The following CDKL5 variants were observed in gnomAD, a reference collection of about 807,000 sequenced individuals.
CDKL5 encodes the protein cyclin dependent kinase like 5.
CDKL5 carries 8 observed loss-of-function variants against 61.7 expected under a neutral mutation model. The observed-to-expected ratio is 0.13, with a 90% CI of 0.08 to 0.23. The LOEUF (loss-of-function observed/expected upper bound fraction) is 0.23, where lower values mean the gene tolerates loss of function less well. Among genes scored for constraint, CDKL5 ranks in the 10% least tolerant of loss-of-function variants. The pLI, the probability that CDKL5 is intolerant of heterozygous loss-of-function variation, is 1.00. For missense variants in CDKL5, 440 were observed against 734.5 expected (o/e 0.60, Z 4.63); for synonymous variants, 275 against 272.3 (o/e 1.01, Z -0.10).
Position 18,604,906 on chromosome X carries a change from CA to C in CDKL5, c.1944+39del, listed in dbSNP as rs761798640. On this transcript the variant is annotated intron_variant, in intron 12 of 17. Coordinates refer to ENST00000623535, the MANE Select transcript of CDKL5 (RefSeq NM_001323289.2). ...ACCTTGACTGAATCTGGTGGCCCTT[CA>C]GGGGAAGGTGGTACGAGGGATGTGA... The C allele has an allele frequency of 8.3e-6, 10 of 1,201,187 alleles. No homozygotes were observed. In the Admixed American group the frequency reaches 2.0e-4, roughly 24 times the overall value.
At chrX:18,511,417 A>G (rs1037375293) in intron 3 of CDKL5, among the ~76,000 whole-genome samples, 2 of 110,202 alleles carry the variant, frequency 1.8e-5, no homozygotes, top group Admixed American at 9.8e-5. Flanking sequence ...TATGCCGTGC[A>G]CCTCATAATG....
intron 3 of CDKL5, among the ~76,000 whole-genome samples, chrX:18,527,141 C>A (rs1923474897): frequency 9.0e-6 from 1 of 111,723 alleles, no homozygotes; most frequent in African/African-American, 3.3e-5. Flanking sequence ...GGATTTGATT[C>A]CCTTAATATT....
At chrX:18,512,228 A>G (rs1922853616) in intron 3 of CDKL5, among the ~76,000 whole-genome samples, 1 of 111,815 alleles carries the variant, frequency 8.9e-6, no homozygotes, top group Non-Finnish European at 1.9e-5. Flanking sequence ...TCATTTGCAT[A>G]TAATTTGTTA....
rs917042257 is a variant in CDKL5 at position 18,565,003 on chromosome X, A to C, written c.145+481A>C. On this transcript the variant is annotated intron_variant, in intron 4 of 17. Coordinates refer to ENST00000623535, the MANE Select transcript of CDKL5 (RefSeq NM_001323289.2). ...ATATTGAGGGATTGATTTTATATTTAGAATAATGCATTGAGAGAATAAAAG... is the reference window on the plus strand; with the variant it reads ...ATATTGAGGGATTGATTTTATATTTCGAATAATGCATTGAGAGAATAAAAG... Among the ~76,000 whole-genome samples, 6 of 112,116 alleles carry C rather than the reference A, an allele frequency of 5.4e-5. No individual in the cohort carries two copies. The East Asian group carries it at 1.7e-3, about 31-fold the overall frequency.
rs1205177881 is a variant in CDKL5 at position 18,506,472 on chromosome X, A to G, written c.-162-463A>G. On this transcript the variant is annotated intron_variant, in intron 1 of 17. Coordinates refer to ENST00000623535, the MANE Select transcript of CDKL5 (RefSeq NM_001323289.2). ...CCAACTCCAAGCCTTCTCCCTTTTT[A>G]TATTTGTTACTCCCTTTTATGAGAA... 3.6e-5 allele frequency among the ~76,000 whole-genome samples: 4 copies of G among 112,292 alleles called. No homozygotes were observed. The East Asian group carries it at 8.4e-4, about 24-fold the overall frequency.
In CDKL5 at chrX:18,636,763, A is replaced by G. The variant is rs1927400358; in HGVS notation, c.*8006A>G. ...AAGGGTAACAGACTTAGAAATGGCT[A>G]TCTACACTGATGGAATAAGTATACT... On this transcript the variant is annotated 3_prime_UTR_variant, in exon 18 of 18. Coordinates refer to ENST00000623535, the MANE Select transcript of CDKL5 (RefSeq NM_001323289.2). 8.9e-6 allele frequency: 1 copy of G among 112,318 alleles called. No homozygotes were observed. Among genetic ancestry groups the G allele is most frequent in the Non-Finnish European group, 1.9e-5 (1 of 53,306 alleles). The allele number at this position is 112,318 out of a possible 1,213,427, so 9.3% of individuals were successfully genotyped here.
At chrX:18,495,421 T>C (rs1205956652) in intron 1 of CDKL5, among the ~76,000 whole-genome samples, 1 of 112,442 alleles carries the variant, frequency 8.9e-6, no homozygotes, top group Non-Finnish European at 1.9e-5. Context: ...TTGCTTAATT[T>C]TACATGTATT....
At chrX:18,577,690 T>C (rs1392742152) in intron 5 of CDKL5, among the ~76,000 whole-genome samples, 1 of 111,896 alleles carries the variant, frequency 8.9e-6, no homozygotes, top group African/African-American at 3.2e-5. Context: ...AAGAGAACTG[T>C]ACTCTTCGTT....
At chrX:18,586,730 A>G (rs1286091679) in intron 8 of CDKL5, among the ~76,000 whole-genome samples, 1 of 111,958 alleles carries the variant, frequency 8.9e-6, no homozygotes, top group Non-Finnish European at 1.9e-5. Context: ...CCAGCTGCAT[A>G]AATTATTCAA....
rs763027486 is a variant in CDKL5 at position 18,506,897 on chromosome X, T to C, written c.-162-38T>C. ...ATTGGTTACTAGAGTACTGCAAATATAAAACTTACAGCTTTTAATTGTGTT... is the reference window on the plus strand; with the variant it reads ...ATTGGTTACTAGAGTACTGCAAATACAAAACTTACAGCTTTTAATTGTGTT... On this transcript the variant is annotated intron_variant, in intron 1 of 17. Coordinates refer to ENST00000623535, the MANE Select transcript of CDKL5 (RefSeq NM_001323289.2). 16 of 420,587 alleles carry C rather than the reference T, an allele frequency of 3.8e-5. No individual in the cohort carries two copies. The South Asian group carries it at 4.3e-4, about 11-fold the overall frequency. The allele number at this position is 420,587 out of a possible 1,213,427, so 34.7% of individuals were successfully genotyped here.
chrX:18,634,301 G>C lies in CDKL5; in HGVS notation c.*5544G>C. On this transcript the variant is annotated 3_prime_UTR_variant, in exon 18 of 18. Transcript: ENST00000623535. The stretch of plus-strand genomic sequence containing the variant: ...GGGGATTTTACTTTCCCAAAAGTCT[G>C]ATCTGATTTCTTTCAGGGGTAGACA... 6.6e-6 allele frequency: 5 copies of C among 753,999 alleles called. No homozygotes were observed. The highest frequency in any genetic ancestry group is 6.3e-6 in the Non-Finnish European group (4 of 639,249). 62.1% of individuals were successfully genotyped at this position (753,999 alleles called of 1,213,427 possible). A position where few individuals can be genotyped will look rare whatever the true frequency, so the allele number is the denominator to read the frequency against.
chrX:18,452,435 A>AT (rs1262747267), intron 1 of CDKL5, among the ~76,000 whole-genome samples: 3 of 109,336 alleles, frequency 2.7e-5, no homozygotes, highest in Admixed American at 9.8e-5. Flanking sequence ...ATTTTTTTTT[A>AT]TTTTTTTTGA....
chrX:18,461,955 A>G (rs1932297392), intron 1 of CDKL5, among the ~76,000 whole-genome samples: 2 of 111,664 alleles, frequency 1.8e-5, no homozygotes, highest in Non-Finnish European at 3.8e-5. Context: ...AGAGAGGGGA[A>G]GGTATCCTTG....
At chrX:18,566,728 A>G (rs1924981385) in intron 4 of CDKL5, among the ~76,000 whole-genome samples, 1 of 112,107 alleles carries the variant, frequency 8.9e-6, no homozygotes, top group African/African-American at 3.2e-5. Flanking sequence ...GCCTGAATGG[A>G]GACATGGAAC....
chrX:18,502,468 T>C (rs1411029386), intron 1 of CDKL5, among the ~76,000 whole-genome samples: 1 of 111,767 alleles, frequency 8.9e-6, no homozygotes, highest in Non-Finnish European at 1.9e-5. Flanking sequence ...GGAGTGAAGC[T>C]AGTCAAGGGA....
At chrX:18,475,468 A>C (rs917666977) in intron 1 of CDKL5, among the ~76,000 whole-genome samples, 9 of 106,332 alleles carry the variant, frequency 8.5e-5, no homozygotes, top group Non-Finnish European at 1.5e-4. Context: ...TAATTTTTAA[A>C]AATTTTTCTG....
At chrX:18,463,854 A>G (rs1247309499) in intron 1 of CDKL5, among the ~76,000 whole-genome samples, 1 of 111,848 alleles carries the variant, frequency 8.9e-6, no homozygotes, top group Non-Finnish European at 1.9e-5. Flanking sequence ...CTCATTACAT[A>G]GGTCAATACC....
chrX:18,457,199 C>G (rs1932162744), intron 1 of CDKL5, among the ~76,000 whole-genome samples: 1 of 110,984 alleles, frequency 9.0e-6, no homozygotes. Context: ...TTTCAATTCC[C>G]CATTCTGGTC....
chrX:18,547,345 A>G, intron 3 of CDKL5, among the ~76,000 whole-genome samples: 1 of 112,319 alleles, frequency 8.9e-6, no homozygotes, highest in Non-Finnish European at 1.9e-5. Context: ...TCCAGGCTGC[A>G]TGATATGTAA....
Sources: allele counts gnomAD v4.1 joint callset (sites outside exome capture counted in the v4.1 genomes callset), GRCh38; gene constraint gnomAD v4.1.1; transcripts MANE v1.5; gene names NCBI Gene and HGNC (gene_info 2026-07-23, HGNC 2026-07-21).